The following ARL15 variants were observed in gnomAD, a reference collection of about 807,000 sequenced individuals.
ARL15 encodes ADP-ribosylation factor-like protein 15.
Under a neutral mutation model 25.2 loss-of-function variants are expected in ARL15, and 19 were observed. That is an observed-to-expected ratio of 0.75 (90% CI 0.53 to 1.10). The LOEUF (loss-of-function observed/expected upper bound fraction) is 1.10. Ranked by LOEUF, ARL15 falls within the 50% of genes least tolerant of loss-of-function variation. ARL15 has a pLI of 0.00. For missense variants in ARL15, 220 were observed against 246.0 expected (o/e 0.89, Z 0.71); for synonymous variants, 94 against 86.8 (o/e 1.08, Z -0.46).
intron 4 of ARL15, chr5:53,912,265 TG>T (rs1351445417): frequency 6.6e-6 from 1 of 152,164 alleles, no homozygotes; most frequent in African/African-American, 2.4e-5. Context: ...GTCCAAGCTA[TG>T]GGGGCAAGAC....
chr5:53,985,488 G>A (rs1162623132), intron 4 of ARL15, among the ~76,000 whole-genome samples: 1 of 151,766 alleles, frequency 6.6e-6, no homozygotes, highest in Non-Finnish European at 1.5e-5. Context: ...CCAAACCCTG[G>A]CAACCACCAT....
At chr5:54,163,002 T>G (rs1754450997) in intron 2 of ARL15, among the ~76,000 whole-genome samples, 1 of 152,148 alleles carries the variant, frequency 6.6e-6, no homozygotes, top group Admixed American at 6.5e-5. Context: ...AACAATTCAG[T>G]CTTTCTCCAT....
chr5:54,029,367 A>ACCACCACCACCACCACCC (rs1749899678), intron 4 of ARL15, among the ~76,000 whole-genome samples: 1 of 120,896 alleles, frequency 8.3e-6, no homozygotes, highest in Non-Finnish European at 1.7e-5. Flanking sequence ...CACCACCACC[A>ACCACCACCACCACCACCC]CCACCACCAC....
At chr5:53,980,040 A>G (rs779160176) in intron 4 of ARL15, among the ~76,000 whole-genome samples, 32 of 152,154 alleles carry the variant, frequency 2.1e-4, no homozygotes, top group Non-Finnish European at 4.0e-4. Context: ...TTCAACTACT[A>G]TTTTGAACAT....
At chr5:54,137,811 T>C (rs1180540548) in intron 3 of ARL15, among the ~76,000 whole-genome samples, 1 of 152,096 alleles carries the variant, frequency 6.6e-6, no homozygotes, top group African/African-American at 2.4e-5. Flanking sequence ...TTAAATTGTA[T>C]ATTATAGTTG....
intron 4 of ARL15, among the ~76,000 whole-genome samples, chr5:53,986,217 A>T (rs1748292068): frequency 6.6e-6 from 1 of 152,200 alleles, no homozygotes; most frequent in Admixed American, 6.5e-5. Flanking sequence ...ATGTTCTGTC[A>T]TTCTTTCAAG....
intron 4 of ARL15, among the ~76,000 whole-genome samples, chr5:54,050,834 T>C (rs1403589428): frequency 2.0e-5 from 3 of 152,338 alleles, no homozygotes; most frequent in South Asian, 2.1e-4. Context: ...TTGTCTCATC[T>C]GAATTTTTAG....
intron 4 of ARL15, among the ~76,000 whole-genome samples, chr5:53,963,448 T>C (rs548377430): frequency 1.3e-5 from 2 of 152,174 alleles, no homozygotes; most frequent in Admixed American, 1.3e-4. Flanking sequence ...TTCACCCAAT[T>C]TTATGAATTT....
At chr5:54,078,807 T>C (rs1250162195) in intron 4 of ARL15, among the ~76,000 whole-genome samples, 2 of 152,192 alleles carry the variant, frequency 1.3e-5, no homozygotes, top group Non-Finnish European at 2.9e-5. Context: ...ACTATCCTAC[T>C]AAACCTTGAT....
intron 1 of ARL15, among the ~76,000 whole-genome samples, chr5:54,210,678 T>A (rs1183458176): frequency 3.9e-5 from 6 of 152,232 alleles, no homozygotes; most frequent in Non-Finnish European, 8.8e-5. Context: ...GGAAGTTTTG[T>A]TGCAGTTGTT....
rs538761689 is a variant in ARL15, at chr5:53,921,179, T to A, written c.463-34466A>T. Among the ~76,000 whole-genome samples the A allele has an allele frequency of 5.3e-5, 8 of 152,262 alleles. No homozygotes were observed. In the South Asian group the frequency reaches 1.2e-3, roughly 24 times the overall value. ...CTCATTACGGCTCTGTCAGGTAATGTATTATCACCTGCATTTAACTCATAT... is the reference window on the plus strand; with the variant it reads ...CTCATTACGGCTCTGTCAGGTAATGAATTATCACCTGCATTTAACTCATAT... On this transcript the variant is annotated intron_variant, in intron 4 of 4. Coordinates refer to ENST00000504924, the MANE Select transcript of ARL15 (RefSeq NM_019087.3).
At chr5:54,124,012 C>T (rs181244079) in intron 3 of ARL15, among the ~76,000 whole-genome samples, 6 of 152,070 alleles carry the variant, frequency 3.9e-5, no homozygotes, top group African/African-American at 7.2e-5. Context: ...CAGTTTCCCA[C>T]GAAGAACACA....
At chr5:54,205,076 C>A (rs542360815) in intron 1 of ARL15, among the ~76,000 whole-genome samples, 1 of 151,886 alleles carries the variant, frequency 6.6e-6, no homozygotes, top group Non-Finnish European at 1.5e-5. Context: ...CTGGGATTTA[C>A]GGGTGTGAGC....
At chr5:54,086,630 C>A (rs1751972807) in intron 4 of ARL15, among the ~76,000 whole-genome samples, 1 of 152,026 alleles carries the variant, frequency 6.6e-6, no homozygotes, top group African/African-American at 2.4e-5. Flanking sequence ...CTTCCTCTAC[C>A]TGCTATTAGT....
At chr5:54,123,179 G>A (rs917181066) in intron 3 of ARL15, among the ~76,000 whole-genome samples, 4 of 149,750 alleles carry the variant, frequency 2.7e-5, no homozygotes, top group Non-Finnish European at 5.9e-5. Flanking sequence ...GTGCCATCTC[G>A]GCTCACTGCA....
intron 2 of ARL15, 32 bp from the exon 3 acceptor site, chr5:54,154,671 A>C: frequency 1.5e-6 from 2 of 1,352,080 alleles, no homozygotes; most frequent in South Asian, 1.4e-5. Flanking sequence ...ATAAAAAAAG[A>C]ATTAGCAACT....
chr5:54,121,330 T>G (rs752052876), intron 3 of ARL15, among the ~76,000 whole-genome samples: 14 of 152,120 alleles, frequency 9.2e-5, no homozygotes, highest in Non-Finnish European at 1.6e-4. Flanking sequence ...AAATGAGAGT[T>G]CCATTTCTCC....
chr5:53,964,413 G>T (rs990605510), intron 4 of ARL15, among the ~76,000 whole-genome samples: 1 of 152,070 alleles, frequency 6.6e-6, no homozygotes, highest in South Asian at 2.1e-4. Context: ...ATGCTGGAGT[G>T]CAGTGGCGTG....
intron 4 of ARL15, among the ~76,000 whole-genome samples, chr5:53,980,962 C>T (rs1387583986): frequency 6.6e-6 from 1 of 152,084 alleles, no homozygotes; most frequent in African/African-American, 2.4e-5. Context: ...GCCTGGGTGA[C>T]AGAGTGAGAC....
Sources: allele counts gnomAD v4.1 joint callset (sites outside exome capture counted in the v4.1 genomes callset), GRCh38; gene constraint gnomAD v4.1.1; transcripts MANE v1.5; gene names NCBI Gene and HGNC (gene_info 2026-07-23, HGNC 2026-07-21).